Variants in FHIT observed in about 807,000 individuals in gnomAD.
FHIT encodes bis(5'-adenosyl)-triphosphatase.
Under a neutral mutation model 17.9 loss-of-function variants are expected in FHIT, and 19 were observed. The observed-to-expected ratio is 1.06, with a 90% confidence interval of 0.74 to 1.56. FHIT has a LOEUF of 1.56. Ranked by LOEUF, FHIT falls within the 40% of genes most tolerant of loss-of-function variation. FHIT has a pLI of 0.00. For synonymous variants in FHIT, 81 were observed against 69.7 expected (o/e 1.16, Z -0.81); for missense variants, 248 against 189.2 (o/e 1.31, Z -1.82).
chr3:60,954,853 C>A (rs1169931073), intron 3 of FHIT, among the ~76,000 whole-genome samples: 1 of 152,186 alleles, frequency 6.6e-6, no homozygotes, highest in Non-Finnish European at 1.5e-5. Context: ...TAACTGATTA[C>A]TGAATTCTTA....
intron 5 of FHIT, among the ~76,000 whole-genome samples, chr3:60,479,921 G>T (rs1020257606): frequency 6.6e-6 from 1 of 152,134 alleles, no homozygotes; most frequent in East Asian, 1.9e-4. Flanking sequence ...AAGGTTGGGG[G>T]CTACTGACGT....
chr3:61,186,833 T>C (rs1337754481), intron 2 of FHIT, among the ~76,000 whole-genome samples: 1 of 152,220 alleles, frequency 6.6e-6, no homozygotes, highest in Non-Finnish European at 1.5e-5. Context: ...CTGAACTCTC[T>C]TCACCCACTC....
intron 4 of FHIT, among the ~76,000 whole-genome samples, chr3:60,674,692 G>A (rs1166092595): frequency 6.6e-6 from 1 of 152,142 alleles, no homozygotes; most frequent in Non-Finnish European, 1.5e-5. Context: ...TCAACTGAAT[G>A]CCCAGGTTCT....
intron 4 of FHIT, among the ~76,000 whole-genome samples, chr3:60,672,874 C>CCTGTGTGTGTGTGT (rs71092628): frequency 2.2e-5 from 3 of 139,476 alleles, no homozygotes; most frequent in Non-Finnish European, 4.6e-5. Flanking sequence ...CTCTTTGTAG[C>CCTGTGTGTGTGTGT]GTGTGTGTGT....
intron 4 of FHIT, among the ~76,000 whole-genome samples, chr3:60,717,688 C>T (rs1286764158): frequency 1.3e-5 from 2 of 152,152 alleles, no homozygotes; most frequent in Non-Finnish European, 2.9e-5. Context: ...AGCAGTTGTT[C>T]TTCAACTTTA....
intron 4 of FHIT, among the ~76,000 whole-genome samples, chr3:60,576,907 C>T (rs1280040420): frequency 2.0e-5 from 3 of 149,498 alleles, no homozygotes; most frequent in African/African-American, 7.4e-5. Context: ...TTCTCATTTC[C>T]CATAGCTTCT....
chr3:60,603,275 G>A (rs1418089057), intron 4 of FHIT, among the ~76,000 whole-genome samples: 1 of 152,130 alleles, frequency 6.6e-6, no homozygotes, highest in Non-Finnish European at 1.5e-5. Context: ...ATACATAGCT[G>A]AAGCTCAACA....
chr3:60,192,434 C>G, intron 5 of FHIT, among the ~76,000 whole-genome samples: 1 of 152,078 alleles, frequency 6.6e-6, no homozygotes, highest in Middle Eastern at 3.2e-3. Context: ...TGAAAGCCAA[C>G]AGAGACTCAT....
chr3:60,651,963 AAG>A (rs1159721844), intron 4 of FHIT, among the ~76,000 whole-genome samples: 1 of 152,230 alleles, frequency 6.6e-6, no homozygotes, highest in Non-Finnish European at 1.5e-5. Flanking sequence ...CATAACCACA[AAG>A]AGAATGGGAA....
chr3:60,563,439 C>T (rs111980531), intron 4 of FHIT, among the ~76,000 whole-genome samples: 6,298 of 152,270 alleles, frequency 0.041, 245 homozygotes, highest in East Asian at 0.16. Flanking sequence ...GGAAGTGTCA[C>T]ACATCTCTCA....
intron 3 of FHIT, among the ~76,000 whole-genome samples, chr3:60,853,786 T>G (rs1213830391): frequency 1.3e-5 from 2 of 152,186 alleles, no homozygotes; most frequent in Non-Finnish European, 2.9e-5. Flanking sequence ...TCTTTTTCTT[T>G]GCAGTGTAAT....
intron 4 of FHIT, among the ~76,000 whole-genome samples, chr3:60,579,122 T>A (rs532320975): frequency 9.9e-4 from 150 of 152,244 alleles, no homozygotes; most frequent in Non-Finnish European, 1.6e-3. Context: ...TGCTTAACAA[T>A]GAGAAGTTCT....
intron 5 of FHIT, among the ~76,000 whole-genome samples, chr3:60,361,587 T>C (rs1182673157): frequency 6.6e-6 from 1 of 152,124 alleles, no homozygotes; most frequent in Non-Finnish European, 1.5e-5. Flanking sequence ...ACAAGTTTCT[T>C]TGGGCAACTA....
intron 3 of FHIT, among the ~76,000 whole-genome samples, chr3:60,916,826 T>C (rs1337866431): frequency 6.6e-6 from 1 of 152,198 alleles, no homozygotes; most frequent in African/African-American, 2.4e-5. Context: ...TATAATAGCA[T>C]GCAGTAGTCT....
rs113372370 is a variant in FHIT, at chr3:60,609,155, G to A, written c.-17-72176C>T. ...GCATGACTCCTGTTGCTTCCAAACT[G>A]TCTCAAAAGAAAATAGCATTCCACC... On this transcript the variant is annotated intron_variant, in intron 4 of 9. Transcript: ENST00000492590. 5.1e-3 allele frequency among the ~76,000 whole-genome samples: 774 copies of A among 151,966 alleles called. 2 individuals are homozygous for A. The highest frequency in any genetic ancestry group is 0.017 in the African/African-American group (718 of 41,424).
intron 4 of FHIT, among the ~76,000 whole-genome samples, chr3:60,556,780 G>A (rs917278048): frequency 1.3e-5 from 2 of 152,258 alleles, no homozygotes; most frequent in African/African-American, 4.8e-5. Context: ...GGTGTGTAAC[G>A]CTGCCTTTGT....
In FHIT at chr3:59,748,261, G is replaced by T. The variant is rs1575593571; in HGVS notation, c.*1324C>A. On this transcript the variant is annotated 3_prime_UTR_variant, in exon 10 of 10. Coordinates refer to ENST00000492590, the MANE Select transcript of FHIT (RefSeq NM_002012.4). ...TCAAAAAGTGAATCAAGTAAATAAT[G>T]CTCTAGGTGGTCCACAAAGATAAGA... Among the ~76,000 whole-genome samples, 1 of 152,018 alleles carries T rather than the reference G, an allele frequency of 6.6e-6. No individual in the cohort carries two copies. The highest frequency in any genetic ancestry group is 1.9e-4 in the East Asian group (1 of 5,188).
chr3:61,215,134 C>T lies in FHIT; in HGVS notation c.-212-14469G>A, dbSNP rs374179242. On this transcript the variant is annotated intron_variant, in intron 1 of 9. Coordinates refer to ENST00000492590, the MANE Select transcript of FHIT (RefSeq NM_002012.4). ...GCCCTCTCTCACCACTCCTATTCAA[C>T]ATAGTGTTGGAAGTTCTGGCCAGGG... is the stretch of plus-strand genomic sequence containing the variant. 4.6e-5 allele frequency among the ~76,000 whole-genome samples: 7 copies of T among 151,982 alleles called. No individual in the cohort carries two copies. In the East Asian group the frequency reaches 9.7e-4, roughly 21 times the overall value.
intron 5 of FHIT, among the ~76,000 whole-genome samples, chr3:60,135,075 A>C (rs1375773160): frequency 6.6e-6 from 1 of 152,148 alleles, no homozygotes; most frequent in African/African-American, 2.4e-5. Context: ...TCTCAAATAA[A>C]AAGGGCAAAG....
Sources: gnomAD v4.1 joint callset for allele counts (sites outside exome capture counted in the v4.1 genomes callset) on GRCh38, gnomAD v4.1.1 for gene constraint, MANE v1.5 for transcripts, NCBI Gene and HGNC (gene_info 2026-07-23, HGNC 2026-07-21) for gene names.